The following COL2A1 variants were observed in gnomAD, a reference collection of about 807,000 sequenced individuals.
COL2A1 encodes collagen alpha-1(II) chain.
In COL2A1, 28 loss-of-function variants were observed where a neutral mutation model predicts 204.5. The observed-to-expected ratio is 0.14, with a 90% CI of 0.10 to 0.19. The LOEUF is 0.19. Ranked by LOEUF, COL2A1 falls within the 10% of genes least tolerant of loss-of-function variation. COL2A1 has a pLI of 1.00. For missense variants in COL2A1, 1,388 were observed against 2,027.5 expected (o/e 0.68, Z 6.06); for synonymous variants, 708 against 718.7 (o/e 0.99, Z 0.24).
At chr12:47,979,014 T>TCTCCTCC (rs1252234489) in intron 41 of COL2A1, among the ~76,000 whole-genome samples, 1 of 151,558 alleles carries the variant, frequency 6.6e-6, no homozygotes, top group Non-Finnish European at 1.5e-5. Context: ...ACCTGGAATC[T>TCTCCTCC]CTCCTCCCTC....
chr12:47,982,265 C>G (rs1939134771), intron 34 of COL2A1, 105 bp from the exon 35 acceptor site: 2 of 1,062,202 alleles, frequency 1.9e-6, no homozygotes, highest in Admixed American at 3.4e-5. Flanking sequence ...AGTCCCTGCC[C>G]AAGAGGAATT....
rs748337713 is a variant in COL2A1 at position 47,987,258 on chromosome 12, G to A, written c.1266+11C>T. 3 of 1,614,056 alleles carry A rather than the reference G, an allele frequency of 1.9e-6. No homozygotes were observed. The highest frequency in any genetic ancestry group is 1.6e-4 in the Middle Eastern group (1 of 6,062). The stretch of plus-strand genomic sequence containing the variant: ...TCTCCTGGGGTAGCAAAGTCCACGG[G>A]CAACACTCACAGCAGATCCTTTGGC... On this transcript the variant is annotated intron_variant, in intron 20 of 53. Coordinates refer to ENST00000380518, the MANE Select transcript of COL2A1 (RefSeq NM_001844.5). The surrounding 1 kb of genome is among the most constrained non-coding windows in gnomAD (Gnocchi z 4.1).
intron 30 of COL2A1, 62 bp from the exon 31 acceptor site, chr12:47,983,500 G>A: frequency 1.3e-6 from 2 of 1,555,094 alleles, no homozygotes; most frequent in South Asian, 1.1e-5. Context: ...CCCCCAGGGA[G>A]GCACAGTATA....
chr12:47,976,446 T>A lies in COL2A1; in HGVS notation c.3489+68A>T. ...TTCCCCAGAAGCAGCAGCATTTCCC[T>A]CCCCATGGGAACACAGGCCCACACT... On this transcript the variant is annotated intron_variant, in intron 49 of 53. Transcript: ENST00000380518. The surrounding 1 kb of genome is among the most constrained non-coding windows in gnomAD (Gnocchi z 4.3). 3.9e-6 allele frequency: 6 copies of A among 1,546,842 alleles called. No individual in the cohort carries two copies. The South Asian group carries it at 5.6e-5, about 14-fold the overall frequency.
In COL2A1 at chr12:47,984,597, A is replaced by G. The variant is rs41317939; in HGVS notation, c.1836T>C (p.Gly612=). Residue 612 remains glycine (G), a splice_region_variant and synonymous_variant, in exon 28 of 54, where the codon GGT becomes GGC. Coordinates refer to ENST00000380518, the MANE Select transcript of COL2A1 (RefSeq NM_001844.5). Reference sequence around the variant, plus strand: ...CCTTCTCACCAGCTTTGCCAGGCTCACCCTGAAGGAAAGAGAGGGCAGGGC... The same window carrying G: ...CCTTCTCACCAGCTTTGCCAGGCTCGCCCTGAAGGAAAGAGAGGGCAGGGC... ...MGFPGPKGAN[G]EPGKAGEKGL... 0.063 allele frequency: 101,917 copies of G among 1,613,810 alleles called. 3,806 individuals carry two copies. The highest frequency in any genetic ancestry group is 0.075 in the Non-Finnish European group (88,520 of 1,179,740).
intron 22 of COL2A1, among the ~76,000 whole-genome samples, 181 bp from the exon 23 acceptor site, chr12:47,986,624 T>C (rs774767284): frequency 1.3e-5 from 2 of 152,072 alleles, no homozygotes; most frequent in Admixed American, 1.3e-4. Flanking sequence ...GGGCTAAAGA[T>C]CCAACTGTTC....
chr12:47,980,137 A>C lies in COL2A1; in HGVS notation c.2626-75T>G. The C allele has an allele frequency of 1.5e-6, 2 of 1,327,404 alleles. No homozygotes were observed. The highest frequency in any genetic ancestry group is 2.1e-6 in the Non-Finnish European group (2 of 943,680). 82.2% of individuals were successfully genotyped at this position (1,327,404 alleles called of 1,614,324 possible). ...GTGGGCTTCTGTCTGAGCCCCAACA[A>C]TGGACCCCTGAGGTTTTCGAAGATG... On this transcript the variant is annotated intron_variant, in intron 39 of 53. Coordinates refer to ENST00000380518, the MANE Select transcript of COL2A1 (RefSeq NM_001844.5). This position sits in a 1 kb window ranked among gnomAD's most constrained non-coding sequence, Gnocchi z 4.5.
At chr12:47,979,637 GGGGGTGGTCT>G in intron 40 of COL2A1, 73 bp from the exon 41 acceptor site, 2 of 557,072 alleles carry the variant, frequency 3.6e-6, no homozygotes, top group Non-Finnish European at 3.5e-6. Context: ...GGCGGGGGGC[GGGGGTGGTCT>G]CAGAGCCTGG....
chr12:47,999,634 A>ATTTTTTTTTTTTTTTT (rs10708850), intron 2 of COL2A1: 2 of 154,296 alleles, frequency 1.3e-5, no homozygotes, highest in Non-Finnish European at 2.3e-5. Flanking sequence ...TTCAGAGAGG[A>ATTTTTTTTTTTTTTTT]TTTTTTTTTT....
intron 46 of COL2A1, 48 bp from the exon 47 acceptor site, chr12:47,977,203 G>A (rs780006757): frequency 1.2e-6 from 2 of 1,605,898 alleles, no homozygotes; most frequent in East Asian, 4.5e-5. Context: ...GGACAGGTGG[G>A]GGCCTCCTCT....
chr12:47,976,662 T>G lies in COL2A1; in HGVS notation c.3436-95A>C. 1 of 1,429,620 alleles carries G rather than the reference T, an allele frequency of 7.0e-7. No homozygotes were observed. Among genetic ancestry groups the G allele is most frequent in the Non-Finnish European group, 9.8e-7 (1 of 1,020,186 alleles). 88.6% of individuals were successfully genotyped at this position (1,429,620 alleles called of 1,614,324 possible). ...GGAACAGCTTTATGTCCCAGCCCCA[T>G]TCCCTTTCCACTTCCTCCTCCCTCC... On this transcript the variant is annotated intron_variant, in intron 48 of 53. Transcript: ENST00000380518. The surrounding 1 kb of genome is among the most constrained non-coding windows in gnomAD (Gnocchi z 4.3).
chr12:47,981,328 G>T lies in COL2A1; in HGVS notation c.2463+15C>A, dbSNP rs1279387609. The T allele has an allele frequency of 6.2e-7, 1 of 1,612,004 alleles. No homozygotes were observed. The highest frequency in any genetic ancestry group is 2.2e-5 in the East Asian group (1 of 44,868). ...GGCCTCGGGCAGAGCCAGGCTCAGAGGGGCAGACACTCACCGGAGCGCCAC... is the reference window on the plus strand; with the variant it reads ...GGCCTCGGGCAGAGCCAGGCTCAGATGGGCAGACACTCACCGGAGCGCCAC... On this transcript the variant is annotated intron_variant, in intron 37 of 53. Transcript: ENST00000380518.
chr12:48,003,859 C>T (rs1326311048), intron 1 of COL2A1, among the ~76,000 whole-genome samples: 7 of 152,206 alleles, frequency 4.6e-5, no homozygotes. Context: ...TCTGTTTTTG[C>T]TGAACTCGAA....
Position 47,987,828 on chromosome 12 carries a change from AC to A in COL2A1, c.1123-120del, listed in dbSNP as rs1939509460. 1.3e-6 allele frequency: 1 copy of A among 751,136 alleles called. No homozygotes were observed. The highest frequency in any genetic ancestry group is 1.5e-5 in the South Asian group (1 of 67,416). The allele number at this position is 751,136 out of a possible 1,614,324, so 46.5% of individuals were successfully genotyped here. ...GCACTAAATTATGCACATGCACCCA[AC>A]CCTGCACATGAACATGTGCGTTCAC... On this transcript the variant is annotated intron_variant, in intron 18 of 53. Coordinates refer to ENST00000380518, the MANE Select transcript of COL2A1 (RefSeq NM_001844.5). The surrounding 1 kb of genome is among the most constrained non-coding windows in gnomAD (Gnocchi z 4.1).
In COL2A1 at chr12:48,004,307, C is replaced by T. The variant is rs746800217; in HGVS notation, c.15G>A (p.Gly5=). The stretch of plus-strand genomic sequence containing the variant: ...TCAGCAGCACCAGCGTCTGGGGAGC[C>T]CCGAGGCGAATCATGGCTCACCGCG... MIRL[G]APQTLVLLTL... The change falls in exon 1 of 54, where the codon GGG becomes GGA. Residue 5 remains glycine (G), a synonymous_variant. Transcript: ENST00000380518. The T allele has an allele frequency of 6.5e-7, 1 of 1,549,030 alleles. No individual in the cohort carries two copies. Among genetic ancestry groups the T allele is most frequent in the East Asian group, 2.4e-5 (1 of 40,872 alleles).
upstream of COL2A1, among the ~76,000 whole-genome samples, chr12:48,005,069 C>T (rs373478958): frequency 3.3e-5 from 5 of 152,124 alleles, no homozygotes; most frequent in East Asian, 3.9e-4. Flanking sequence ...CCCTGCAGTA[C>T]CTGGTCCCCA....
chr12:47,987,477 A>G lies in COL2A1; in HGVS notation c.1221+134T>C. On this transcript the variant is annotated intron_variant, in intron 19 of 53. Transcript: ENST00000380518. This position sits in a 1 kb window ranked among gnomAD's most constrained non-coding sequence, Gnocchi z 4.1. ...ATGGGATAGAAGGGAATACATCTAGAGGTGGGGACAGGCATTGGGCCAGAA... is the reference window on the plus strand; with the variant it reads ...ATGGGATAGAAGGGAATACATCTAGGGGTGGGGACAGGCATTGGGCCAGAA... 9.8e-7 allele frequency: 1 copy of G among 1,021,852 alleles called. No homozygotes were observed. Among genetic ancestry groups the G allele is most frequent in the Non-Finnish European group, 1.5e-6 (1 of 666,394 alleles). The allele number at this position is 1,021,852 out of a possible 1,614,324, so 63.3% of individuals were successfully genotyped here.
Position 47,980,070 on chromosome 12 carries a change from G to A in COL2A1, c.2626-8C>T. ...AGTCACTCCAGTAGGACCCTGGAAAGGAAAGAGGGAGACAGTGAGGCCCAG... is the reference window on the plus strand; with the variant it reads ...AGTCACTCCAGTAGGACCCTGGAAAAGAAAGAGGGAGACAGTGAGGCCCAG... On this transcript the variant is annotated splice_region_variant and splice_polypyrimidine_tract_variant and intron_variant, in intron 39 of 53. Transcript: ENST00000380518. The surrounding 1 kb of genome is among the most constrained non-coding windows in gnomAD (Gnocchi z 4.5). 1 of 1,552,806 alleles carries A rather than the reference G, an allele frequency of 6.4e-7. No homozygotes were observed. The highest frequency in any genetic ancestry group is 8.7e-7 in the Non-Finnish European group (1 of 1,147,936).
Position 47,985,977 on chromosome 12 carries a change from C to T in COL2A1, c.1528-12G>A. On this transcript the variant is annotated splice_polypyrimidine_tract_variant and intron_variant, in intron 23 of 53. Coordinates refer to ENST00000380518, the MANE Select transcript of COL2A1 (RefSeq NM_001844.5). ...TTGCCGGGAGCACCCTAAGGAGCCA[C>T]AGGGAGGAGAGGCAGTGAGTGAGAA... is the stretch of plus-strand genomic sequence containing the variant. The T allele has an allele frequency of 6.4e-7, 1 of 1,551,552 alleles. No individual in the cohort carries two copies. Among genetic ancestry groups the T allele is most frequent in the South Asian group, 1.2e-5 (1 of 84,064 alleles).
Sources: allele counts gnomAD v4.1 joint callset (sites outside exome capture counted in the v4.1 genomes callset), GRCh38; gene constraint gnomAD v4.1.1; non-coding constraint Gnocchi (gnomAD v3.1); transcripts MANE v1.5; gene names NCBI Gene and HGNC (gene_info 2026-07-23, HGNC 2026-07-21).